Variants in UBE3A observed in about 807,000 individuals in gnomAD.
UBE3A encodes the protein ubiquitin protein ligase E3A.
A neutral mutation model predicts 83.4 loss-of-function variants in UBE3A; 6 were observed. The ratio of observed to expected loss-of-function variants is 0.07; its 90% CI spans 0.04 to 0.14. UBE3A has a LOEUF of 0.14. Among genes scored for constraint, UBE3A ranks in the 10% least tolerant of loss-of-function variants. The pLI is 1.00. For missense variants in UBE3A, 456 were observed against 1,036.1 expected, an observed-to-expected ratio of 0.44 and a Z score of 7.69; for synonymous variants, 337 against 355.4, an observed-to-expected ratio of 0.95 and a Z score of 0.58.
At chr15:25,385,610 TAAC>T (rs1341021079) in intron 4 of UBE3A, among the ~76,000 whole-genome samples, 6 of 152,204 alleles carry the variant, frequency 3.9e-5, no homozygotes, top group Admixed American at 6.5e-5. Flanking sequence ...CACTCCATCC[TAAC>T]AACAAGTAAA....
rs546917977 is a variant in UBE3A, at chr15:25,338,883, CA to C, written c.*253del. The C allele has an allele frequency of 7.1e-5, 14 of 196,514 alleles. No individual in the cohort carries two copies. Among genetic ancestry groups the C allele is most frequent in the Non-Finnish European group, 1.3e-4 (13 of 98,410 alleles). 12.2% of individuals were successfully genotyped at this position (196,514 alleles called of 1,614,324 possible). On this transcript the variant is annotated 3_prime_UTR_variant, in exon 13 of 13. Transcript: ENST00000648336. Reference sequence around the variant, plus strand: ...TGAAAGAATATGTAACACTTTCACGCAAAAAAATAATTATAATAATAATAAA... The same window carrying C: ...TGAAAGAATATGTAACACTTTCACGCAAAAAATAATTATAATAATAATAAA...
chr15:25,364,743 A>G (rs1356672026), intron 6 of UBE3A, among the ~76,000 whole-genome samples: 2 of 149,334 alleles, frequency 1.3e-5, no homozygotes, highest in Non-Finnish European at 2.9e-5. Context: ...TCCCAGGTTC[A>G]TGCCATTCTC....
At chr15:25,423,953 C>T (rs1374152924) in intron 1 of UBE3A, among the ~76,000 whole-genome samples, 2 of 152,142 alleles carry the variant, frequency 1.3e-5, no homozygotes, top group Non-Finnish European at 2.9e-5. Flanking sequence ...CCACTCTGTC[C>T]ATTTCAGTCA....
intron 1 of UBE3A, among the ~76,000 whole-genome samples, chr15:25,421,012 T>C (rs1889561105): frequency 3.3e-5 from 5 of 152,210 alleles, no homozygotes; most frequent in Admixed American, 6.5e-5. Flanking sequence ...ACAACATGAA[T>C]GAACTTTGAT....
intron 11 of UBE3A, among the ~76,000 whole-genome samples, chr15:25,344,799 T>C (rs1158180456): frequency 1.3e-5 from 2 of 152,064 alleles, no homozygotes; most frequent in Non-Finnish European, 2.9e-5. Context: ...GGTATATATG[T>C]AGGACAAGCA....
intron 4 of UBE3A, among the ~76,000 whole-genome samples, chr15:25,391,315 A>C (rs960510794): frequency 4.6e-5 from 7 of 152,352 alleles, no homozygotes; most frequent in Admixed American, 2.0e-4. Context: ...GGCAAAAAGT[A>C]GAATGGCATT....
At chr15:25,368,283 T>C (rs1292974200) in intron 6 of UBE3A, among the ~76,000 whole-genome samples, 1 of 152,152 alleles carries the variant, frequency 6.6e-6, no homozygotes, top group Non-Finnish European at 1.5e-5. Flanking sequence ...AATCATCACC[T>C]GCTGTGAATA....
chr15:25,438,915 G>C lies in UBE3A; in HGVS notation c.-591C>G, dbSNP rs1352326162. ...GAGCGAGCGAAGCCTGGTGTGTCGG[G>C]TCCTGGCGAAGGGAAAAGGCCCCGT... On this transcript the variant is annotated 5_prime_UTR_variant, in exon 1 of 13. Transcript: ENST00000648336. 2 of 152,330 alleles carry C rather than the reference G, an allele frequency of 1.3e-5. No homozygotes were observed. The highest frequency in any genetic ancestry group is 2.9e-5 in the Non-Finnish European group (2 of 68,174). The allele number at this position is 152,330 out of a possible 1,614,324, so 9.4% of individuals were successfully genotyped here.
intron 10 of UBE3A, 44 bp downstream of exon 10, chr15:25,354,484 C>T: frequency 6.2e-7 from 1 of 1,613,620 alleles, no homozygotes; most frequent in Non-Finnish European, 8.5e-7. Context: ...TCATTACAAA[C>T]AATAAATCGA....
At chr15:25,395,890 A>G (rs879347687) in intron 4 of UBE3A, among the ~76,000 whole-genome samples, 20 of 152,050 alleles carry the variant, frequency 1.3e-4, no homozygotes, top group Non-Finnish European at 7.4e-5. Context: ...GTTAGAGGTA[A>G]AGAGTAAATA....
intron 11 of UBE3A, among the ~76,000 whole-genome samples, chr15:25,341,363 G>A (rs535854822): frequency 9.9e-5 from 15 of 151,628 alleles, no homozygotes; most frequent in African/African-American, 2.9e-4. Flanking sequence ...GAGCCACCGC[G>A]CCTGGCCTAT....
At chr15:25,417,108 AAG>A (rs1314905417) in intron 1 of UBE3A, among the ~76,000 whole-genome samples, 9 of 152,242 alleles carry the variant, frequency 5.9e-5, no homozygotes, top group Admixed American at 5.9e-4. Context: ...AAGCTAGTGA[AAG>A]AGGGGCAGTA....
At position 25,380,240 on chromosome 15, in the gene UBE3A, C is replaced by A. The variant is rs566555908; in HGVS notation, c.63-4477G>T. Among the ~76,000 whole-genome samples, 35 of 149,512 alleles carry A rather than the reference C, an allele frequency of 2.3e-4. 1 individual carries two copies. Among genetic ancestry groups the A allele is most frequent in the Non-Finnish European group, 1.0e-4 (7 of 67,296 alleles). On this transcript the variant is annotated intron_variant, in intron 4 of 12. Coordinates refer to ENST00000648336, the MANE Select transcript of UBE3A (RefSeq NM_130839.5). Reference sequence around the variant, plus strand: ...TGGAAGTGTAAGTCCAATTAAACTTCTTTTTTTTTTCCCAGTCTCAGGTAC... The same window carrying A: ...TGGAAGTGTAAGTCCAATTAAACTTATTTTTTTTTTCCCAGTCTCAGGTAC...
At position 25,339,293 on chromosome 15, in the gene UBE3A, G is replaced by GT. The variant is rs587782913; in HGVS notation, c.2499-37dup. 8.5e-5 allele frequency: 136 copies of GT among 1,605,304 alleles called. No homozygotes were observed. The highest frequency in any genetic ancestry group is 1.7e-4 in the Middle Eastern group (1 of 6,002). Reference sequence around the variant, plus strand: ...AAAAGGGGAAAAAAACAGGAAAACTGTAAGTCATGGGAAATACACTTAGAA... The same window carrying GT: ...AAAAGGGGAAAAAAACAGGAAAACTGTTAAGTCATGGGAAATACACTTAGAA... On this transcript the variant is annotated intron_variant, in intron 12 of 12. Coordinates refer to ENST00000648336, the MANE Select transcript of UBE3A (RefSeq NM_130839.5).
At chr15:25,405,663 G>A (rs926238773) in intron 3 of UBE3A, 161 bp from the exon 4 acceptor site, 2 of 729,166 alleles carry the variant, frequency 2.7e-6, no homozygotes, top group African/African-American at 1.8e-5. Context: ...GGTCAGATCA[G>A]GTGGCCATAC....
intron 4 of UBE3A, among the ~76,000 whole-genome samples, chr15:25,394,712 G>A (rs1567049754): frequency 6.6e-6 from 1 of 152,174 alleles, no homozygotes; most frequent in Non-Finnish European, 1.5e-5. Flanking sequence ...TCTACAGGCT[G>A]TGTACATACT....
Position 25,376,423 on chromosome 15 carries a change from G to A in UBE3A, c.63-660C>T, listed in dbSNP as rs28398938. On this transcript the variant is annotated intron_variant, in intron 4 of 12. Coordinates refer to ENST00000648336, the MANE Select transcript of UBE3A (RefSeq NM_130839.5). ...TAACTGTGGGAGGCTGAGGCAGGCC[G>A]ACTACTTGAGCCCAGGAGGTCAACA... Among the ~76,000 whole-genome samples, 673 of 152,182 alleles carry A rather than the reference G, an allele frequency of 4.4e-3. 2 individuals are homozygous for A. The highest frequency in any genetic ancestry group is 0.014 in the African/African-American group (597 of 41,522).
intron 5 of UBE3A, 52 bp downstream of exon 5, chr15:25,375,413 C>CT: frequency 6.3e-7 from 1 of 1,586,876 alleles, no homozygotes; most frequent in Non-Finnish European, 8.6e-7. Context: ...ACATTTAAAT[C>CT]TCCCACATGG....
At chr15:25,377,172 C>T (rs1035030033) in intron 4 of UBE3A, among the ~76,000 whole-genome samples, 2 of 152,114 alleles carry the variant, frequency 1.3e-5, no homozygotes, top group African/African-American at 4.8e-5. Context: ...ATGAGAAACT[C>T]AACAATTAAC....
Sources: allele counts gnomAD v4.1 joint callset (sites outside exome capture counted in the v4.1 genomes callset), GRCh38; gene constraint gnomAD v4.1.1; transcripts MANE v1.5; gene names NCBI Gene and HGNC (gene_info 2026-07-23, HGNC 2026-07-21).